SYNPO: variants seen among roughly 807,000 people sequenced by gnomAD.
SYNPO encodes the protein synaptopodin.
In SYNPO, 19 loss-of-function variants were observed where a neutral mutation model predicts 49.5. The ratio of observed to expected loss-of-function variants is 0.38; its 90% CI spans 0.27 to 0.56. The LOEUF (loss-of-function observed/expected upper bound fraction) is 0.56, where lower values mean the gene tolerates loss of function less well. Among genes scored for constraint, SYNPO ranks in the 20% least tolerant of loss-of-function variants. SYNPO has a pLI of 0.68. For synonymous variants in SYNPO, 536 were observed against 548.0 expected (o/e 0.98, Z 0.31); for missense variants, 1,131 against 1,248.3 (o/e 0.91, Z 1.42).
In SYNPO at chr5:150,656,941, A is replaced by G; in HGVS notation, c.2566A>G (p.Thr856Ala). Reference protein sequence around the residue: ...PRPFLYRRSPTDSDVSLDSED... With the variant: ...PRPFLYRRSPADSDVSLDSED... ...GCCCTTCCTCTACCGCCGCTCGCCCACGGACTCCGACGTGTCCCTCGACTC... is the reference window on the plus strand; with the variant it reads ...GCCCTTCCTCTACCGCCGCTCGCCCGCGGACTCCGACGTGTCCCTCGACTC... Residue 856 changes from threonine (T) to alanine (A), a missense_variant, in exon 3 of 3, where the codon ACG (threonine) becomes GCG (alanine). Physicochemically the swap from Thr to Ala is moderately conservative, Grantham distance 58. Coordinates refer to ENST00000307662, the MANE Select transcript of SYNPO (RefSeq NM_007286.6). 1 of 1,582,056 alleles carries G rather than the reference A, an allele frequency of 6.3e-7. No individual in the cohort carries two copies. The highest frequency in any genetic ancestry group is 8.6e-7 in the Non-Finnish European group (1 of 1,165,008).
chr5:150,630,825 C>T (rs1015955723), intron 2 of SYNPO, among the ~76,000 whole-genome samples: 1 of 152,194 alleles, frequency 6.6e-6, no homozygotes, highest in Non-Finnish European at 1.5e-5. Flanking sequence ...GTCTGGCATC[C>T]CCACACACTG....
At chr5:150,592,847 C>G in the SYNPO span, among the ~76,000 whole-genome samples, 3 of 152,310 alleles carry the variant, frequency 2.0e-5, no homozygotes, top group Admixed American at 2.0e-4. Context: ...AGGGTATCTC[C>G]TCTAATACCA....
Position 150,658,659 on chromosome 5 carries a change from G to A in SYNPO, c.*1572G>A, listed in dbSNP as rs942397593. 6.6e-6 allele frequency: 1 copy of A among 152,506 alleles called. No individual in the cohort carries two copies. The highest frequency in any genetic ancestry group is 2.4e-5 in the African/African-American group (1 of 41,462). 9.4% of individuals were successfully genotyped at this position (152,506 alleles called of 1,614,324 possible). ...AACGTATGTAGGTGAAAGGATACCA[G>A]GATGTTGCTAAAGGTGAGGGACAGT... On this transcript the variant is annotated 3_prime_UTR_variant, in exon 3 of 3. Coordinates refer to ENST00000307662, the MANE Select transcript of SYNPO (RefSeq NM_007286.6).
intron 2 of SYNPO, among the ~76,000 whole-genome samples, chr5:150,631,276 A>G (rs77954339): frequency 0.014 from 2,190 of 152,320 alleles, 47 homozygotes; most frequent in African/African-American, 0.05. Context: ...TACAAAGCTG[A>G]TGAGCGTTTA....
intron 1 of SYNPO, among the ~76,000 whole-genome samples, chr5:150,602,997 G>GGGGGTGTGTGTGT (rs1554106602): frequency 5.3e-5 from 7 of 131,252 alleles, no homozygotes; most frequent in African/African-American, 1.8e-4. Context: ...GCCACCTTAG[G>GGGGGTGTGTGTGT]GTGTGTGTGT....
Position 150,656,745 on chromosome 5 carries a change from G to GCC in SYNPO, c.2374_2375dup (p.Pro793ArgfsTer147). 8 of 1,010,540 alleles carry GCC rather than the reference G, an allele frequency of 7.9e-6. No individual in the cohort carries two copies. The highest frequency in any genetic ancestry group is 9.5e-6 in the Non-Finnish European group (8 of 839,856). 62.6% of individuals were successfully genotyped at this position (1,010,540 alleles called of 1,614,324 possible). A position where few individuals can be genotyped will look rare whatever the true frequency, so the allele number is the denominator to read the frequency against. On this transcript the variant is annotated frameshift_variant, in exon 3 of 3. Coordinates refer to ENST00000307662, the MANE Select transcript of SYNPO (RefSeq NM_007286.6). LOFTEE classifies it low-confidence loss of function (END_TRUNC). ...CCTTCTCCCCGCCGAGGGCGCCACC[G>GCC]CCCCCGCCCCCGCCCCCGCCCCCGC... is the stretch of plus-strand genomic sequence containing the variant.
chr5:150,611,114 A>G (rs1756834406), intron 1 of SYNPO, among the ~76,000 whole-genome samples: 1 of 152,180 alleles, frequency 6.6e-6, no homozygotes, highest in African/African-American at 2.4e-5. Context: ...CAGTTTCTTT[A>G]TCTTAATGAC....
rs376731190 is a variant in SYNPO, at chr5:150,657,415, T to TTC, written c.*345_*346dup. On this transcript the variant is annotated 3_prime_UTR_variant, in exon 3 of 3. Coordinates refer to ENST00000307662, the MANE Select transcript of SYNPO (RefSeq NM_007286.6). Reference sequence around the variant, plus strand: ...ACACCGATGCACACACACTCTCTCTTTCTCTCTCTCTCTCTCTCACACACA... The same window carrying TTC: ...ACACCGATGCACACACACTCTCTCTTTCTCTCTCTCTCTCTCTCTCACACACA... The TTC allele has an allele frequency of 0.023, 4,488 of 191,830 alleles. 104 individuals carry two copies. Among genetic ancestry groups the TTC allele is most frequent in the African/African-American group, 0.061 (2,179 of 35,820 alleles). 11.9% of individuals were successfully genotyped at this position (191,830 alleles called of 1,614,324 possible). A position where few individuals can be genotyped will look rare whatever the true frequency, so the allele number is the denominator to read the frequency against.
intron 1 of SYNPO, among the ~76,000 whole-genome samples, chr5:150,609,104 T>A (rs888322450): frequency 6.6e-6 from 1 of 152,182 alleles, no homozygotes; most frequent in Non-Finnish European, 1.5e-5. Context: ...CCTGCCAGTT[T>A]CTGTGGTGTA....
chr5:150,626,602 C>T (rs1757365627), intron 2 of SYNPO, among the ~76,000 whole-genome samples: 2 of 152,196 alleles, frequency 1.3e-5, no homozygotes, highest in Admixed American at 1.3e-4. Flanking sequence ...AACTCCTTCC[C>T]TCCCTAGTCA....
chr5:150,618,451 A>G lies in SYNPO; in HGVS notation c.84A>G (p.Gly28=), dbSNP rs777330796. ...CCTGCGCCTTCCAGATCCCTGATGG[A>G]AGCTACAGGTGTCTGGCTCTGGAAG... is the stretch of plus-strand genomic sequence containing the variant. Residue 28 remains glycine (G), a synonymous_variant, in exon 2 of 3, where the codon GGA becomes GGG. Coordinates refer to the SYNPO transcript ENST00000394243. 18 of 1,551,522 alleles carry G rather than the reference A, an allele frequency of 1.2e-5. No homozygotes were observed. The African/African-American group carries it at 1.9e-4, about 17-fold the overall frequency.
upstream of SYNPO, chr5:150,640,599 G>T: frequency 1.0e-6 from 1 of 968,462 alleles, no homozygotes; most frequent in Non-Finnish European, 1.2e-6. Context: ...GGGTAGATTG[G>T]CGGGGGAGAG....
intron 2 of SYNPO, among the ~76,000 whole-genome samples, chr5:150,626,689 C>T (rs1008219080): frequency 5.3e-5 from 8 of 152,228 alleles, no homozygotes; most frequent in Non-Finnish European, 7.3e-5. Context: ...CATTCAGGCG[C>T]GTGGTTCCTG....
At position 150,649,658 on chromosome 5, in the gene SYNPO, C is replaced by T; in HGVS notation, c.1383C>T (p.Ile461=). The T allele has an allele frequency of 6.2e-7, 1 of 1,609,794 alleles. No homozygotes were observed. Among genetic ancestry groups the T allele is most frequent in the South Asian group, 1.1e-5 (1 of 91,086 alleles). ...CCTCCTGCCTCAAGTCACCCCGCAT[C>T]CAGGCCAAGCCGAAGCCCAAACCCA... The part of the protein sequence containing the change: ...EWASCLKSPR[I]QAKPKPKPNQ... Residue 461 remains isoleucine (I), a synonymous_variant, in exon 2 of 3, where the codon ATC becomes ATT. Transcript: ENST00000307662.
chr5:150,587,087 A>AATATATGGATACATGGATGT, the SYNPO span, among the ~76,000 whole-genome samples: 3 of 151,998 alleles, frequency 2.0e-5, no homozygotes, highest in Admixed American at 1.3e-4. Flanking sequence ...TACATGGATG[A>AATATATGGATACATGGATGT]ATATATGGAT....
intron 1 of SYNPO, among the ~76,000 whole-genome samples, chr5:150,602,266 C>T (rs560410879): frequency 8.5e-5 from 13 of 152,334 alleles, no homozygotes; most frequent in African/African-American, 2.4e-4. Flanking sequence ...TGCCTTGCTA[C>T]GGATGTTGGA....
intron 1 of SYNPO, among the ~76,000 whole-genome samples, chr5:150,647,093 A>T (rs976104968): frequency 1.3e-5 from 2 of 151,950 alleles, no homozygotes; most frequent in African/African-American, 4.8e-5. Context: ...AAATACAAAA[A>T]TTAGCCGGGC....
intron 1 of SYNPO, among the ~76,000 whole-genome samples, chr5:150,642,823 C>T (rs1267386286): frequency 6.6e-6 from 1 of 152,194 alleles, no homozygotes; most frequent in Non-Finnish European, 1.5e-5. Flanking sequence ...TACCTCCTGG[C>T]CTTTTCTGCC....
upstream of SYNPO, among the ~76,000 whole-genome samples, chr5:150,638,468 T>C (rs1416798080): frequency 6.6e-6 from 1 of 152,204 alleles, no homozygotes; most frequent in African/African-American, 2.4e-5. Flanking sequence ...GGATGAATGG[T>C]GAAGCAAAAT....
Sources: gnomAD v4.1 joint callset for allele counts (sites outside exome capture counted in the v4.1 genomes callset) on GRCh38, gnomAD v4.1.1 for gene constraint, MANE v1.5 for transcripts, NCBI Gene and HGNC (gene_info 2026-07-23, HGNC 2026-07-21) for gene names.